Variants in MCF2L2 observed in about 807,000 individuals in gnomAD.
MCF2L2 encodes MCF.2 cell line derived transforming sequence-like 2.
Under a neutral mutation model 150.2 loss-of-function variants are expected in MCF2L2, and 102 were observed. That is an observed-to-expected ratio of 0.68 (90% confidence interval 0.58 to 0.80). The LOEUF (loss-of-function observed/expected upper bound fraction) is 0.80. MCF2L2 is among the 30% of genes least tolerant of loss of function. MCF2L2 has a pLI of 0.00. For missense variants in MCF2L2, 1,256 were observed against 1,372.8 expected, an observed-to-expected ratio of 0.91 and a Z score of 1.34; for synonymous variants, 465 against 491.3, an observed-to-expected ratio of 0.95 and a Z score of 0.71.
rs752655457 is a variant in MCF2L2, at chr3:183,270,753, A to G, written c.1862+6119T>C. On this transcript the variant is annotated intron_variant, in intron 15 of 29. Coordinates refer to ENST00000328913, the MANE Select transcript of MCF2L2 (RefSeq NM_015078.4). This position sits in a 1 kb window ranked among gnomAD's most constrained non-coding sequence, Gnocchi z 4.5. Reference sequence around the variant, plus strand: ...TTATCATCCCTGCATCTATGAAAAAATGATGACATCTCATGGACACTTAGA... The same window carrying G: ...TTATCATCCCTGCATCTATGAAAAAGTGATGACATCTCATGGACACTTAGA... 3 of 1,613,772 alleles carry G rather than the reference A, an allele frequency of 1.9e-6. No individual in the cohort carries two copies. The East Asian group carries it at 6.7e-5, about 36-fold the overall frequency.
intron 15 of MCF2L2, chr3:183,271,484 C>T (rs1009507056): frequency 6.0e-6 from 1 of 167,108 alleles, no homozygotes; most frequent in African/African-American, 2.4e-5. Context: ...TTATTATAAA[C>T]AGACAAATCA....
At position 183,233,363 on chromosome 3, in the gene MCF2L2, T is replaced by A. The variant is rs181024687; in HGVS notation, c.1863-2346A>T. Among the ~76,000 whole-genome samples, 1,273 of 148,206 alleles carry A rather than the reference T, an allele frequency of 8.6e-3. 18 individuals are homozygous for A. The highest frequency in any genetic ancestry group is 0.029 in the African/African-American group (1,139 of 39,754). ...GTGAAACTCCATCTCAAAAAAAAAA[T>A]ATATATATACATACATATAGATATA... is the stretch of plus-strand genomic sequence containing the variant. On this transcript the variant is annotated intron_variant, in intron 15 of 29. Transcript: ENST00000328913.
At chr3:183,404,337 G>A (rs1714923985) in intron 1 of MCF2L2, among the ~76,000 whole-genome samples, 1 of 152,110 alleles carries the variant, frequency 6.6e-6, no homozygotes, top group African/African-American at 2.4e-5. Context: ...TAATATTACA[G>A]GTACGGCATC....
chr3:183,246,856 CT>C (rs1469813240), intron 15 of MCF2L2, among the ~76,000 whole-genome samples: 5 of 152,088 alleles, frequency 3.3e-5, no homozygotes, highest in Non-Finnish European at 5.9e-5. Flanking sequence ...GATTATCATT[CT>C]TTTTTTAAAA....
At chr3:183,301,055 A>T (rs1411455163) in intron 10 of MCF2L2, among the ~76,000 whole-genome samples, 1 of 151,354 alleles carries the variant, frequency 6.6e-6, no homozygotes, top group Non-Finnish European at 1.5e-5. Context: ...GCTTGTCTAA[A>T]CCCTTTCCCA....
intron 3 of MCF2L2, among the ~76,000 whole-genome samples, chr3:183,355,613 A>AT (rs71185653): frequency 0.11 from 9,269 of 84,322 alleles, 485 homozygotes; most frequent in African/African-American, 0.22. Context: ...CGCCCAGCTA[A>AT]TTTTTTTTTT....
At chr3:183,245,643 A>T (rs1163396120) in intron 15 of MCF2L2, among the ~76,000 whole-genome samples, 1 of 152,206 alleles carries the variant, frequency 6.6e-6, no homozygotes, top group Non-Finnish European at 1.5e-5. Context: ...GCTCGGTCTC[A>T]GGAAAACATG....
At chr3:183,304,890 C>G (rs1036500918) in intron 10 of MCF2L2, among the ~76,000 whole-genome samples, 3 of 152,120 alleles carry the variant, frequency 2.0e-5, no homozygotes, top group Non-Finnish European at 4.4e-5. Context: ...AATGACAGAC[C>G]TTTCCTAGCA....
At chr3:183,205,123 GT>G (rs1316248611) in intron 25 of MCF2L2, among the ~76,000 whole-genome samples, 1 of 152,192 alleles carries the variant, frequency 6.6e-6, no homozygotes, top group Non-Finnish European at 1.5e-5. Flanking sequence ...GCTCACACCT[GT>G]AATCCCAGCA....
intron 6 of MCF2L2, among the ~76,000 whole-genome samples, chr3:183,320,150 T>C (rs1292535108): frequency 6.6e-6 from 1 of 151,020 alleles, no homozygotes; most frequent in Non-Finnish European, 1.5e-5. Flanking sequence ...TGGAGTGCAG[T>C]GGCGCGATCT....
At chr3:183,240,751 C>T (rs923564772) in intron 15 of MCF2L2, among the ~76,000 whole-genome samples, 8 of 152,218 alleles carry the variant, frequency 5.3e-5, no homozygotes, top group Non-Finnish European at 1.0e-4. Flanking sequence ...TGCAGATGGT[C>T]TCCTATTCAA....
intron 10 of MCF2L2, among the ~76,000 whole-genome samples, chr3:183,303,954 G>A (rs1728977716): frequency 6.6e-6 from 1 of 152,058 alleles, no homozygotes; most frequent in Non-Finnish European, 1.5e-5. Flanking sequence ...ATTCTCTGCT[G>A]CAACCATACT....
At chr3:183,373,606 G>A (rs538164632) in intron 3 of MCF2L2, 11 of 152,058 alleles carry the variant, frequency 7.2e-5, no homozygotes, top group African/African-American at 2.2e-4. Context: ...TCCGCTCCTA[G>A]CACAGACACT....
At position 183,270,151 on chromosome 3, in the gene MCF2L2, G is replaced by A. The variant is rs772096430; in HGVS notation, c.1862+6721C>T. 3.9e-5 allele frequency: 63 copies of A among 1,614,058 alleles called. No individual in the cohort carries two copies. The highest frequency in any genetic ancestry group is 9.9e-5 in the South Asian group (9 of 91,062). On this transcript the variant is annotated intron_variant, in intron 15 of 29. Coordinates refer to ENST00000328913, the MANE Select transcript of MCF2L2 (RefSeq NM_015078.4). This position sits in a 1 kb window ranked among gnomAD's most constrained non-coding sequence, Gnocchi z 4.5. ...ACGTGGGGCAATGAAAATTATGTTCGGTCTCAGCTGAATGCCAACATCAAA... is the reference window on the plus strand; with the variant it reads ...ACGTGGGGCAATGAAAATTATGTTCAGTCTCAGCTGAATGCCAACATCAAA...
chr3:183,332,390 G>A (rs1175528309), intron 5 of MCF2L2, among the ~76,000 whole-genome samples: 1 of 152,090 alleles, frequency 6.6e-6, no homozygotes, highest in African/African-American at 2.4e-5. Context: ...AGCAGGTCAG[G>A]CAGGGAATCA....
At chr3:183,293,632 T>C (rs1021147655) in intron 13 of MCF2L2, among the ~76,000 whole-genome samples, 2 of 152,218 alleles carry the variant, frequency 1.3e-5, no homozygotes, top group Non-Finnish European at 2.9e-5. Context: ...TACTTAAAGA[T>C]GAAACTTGAA....
intron 15 of MCF2L2, 59 bp downstream of exon 15, chr3:183,276,813 C>A (rs758043529): frequency 1.3e-5 from 15 of 1,196,168 alleles, no homozygotes; most frequent in Non-Finnish European, 1.7e-5. Flanking sequence ...AAGAGAGGAT[C>A]CTCGCCACCC....
intron 15 of MCF2L2, among the ~76,000 whole-genome samples, chr3:183,251,974 C>T (rs1201466686): frequency 6.7e-6 from 1 of 149,274 alleles, no homozygotes; most frequent in Non-Finnish European, 1.5e-5. Flanking sequence ...ACTTTTGAAA[C>T]CATTTATCTA....
At chr3:183,302,091 T>C (rs996908542) in intron 10 of MCF2L2, among the ~76,000 whole-genome samples, 7 of 152,150 alleles carry the variant, frequency 4.6e-5, no homozygotes, top group African/African-American at 1.4e-4. Context: ...TGAGCTCCCC[T>C]GGTAGACAAC....
Sources: gnomAD v4.1 joint callset for allele counts (sites outside exome capture counted in the v4.1 genomes callset) on GRCh38, gnomAD v4.1.1 for gene constraint, Gnocchi (gnomAD v3.1) non-coding constraint, MANE v1.5 for transcripts, NCBI Gene and HGNC (gene_info 2026-07-23, HGNC 2026-07-21) for gene names.